PKNOX2: variants seen among roughly 807,000 people sequenced by gnomAD.
PKNOX2 encodes the protein homeobox protein PKNOX2.
A neutral mutation model predicts 53.1 loss-of-function variants in PKNOX2; 14 were observed. That is an observed-to-expected ratio of 0.26 (90% confidence interval 0.17 to 0.41). The LOEUF (loss-of-function observed/expected upper bound fraction) is 0.41, where lower values mean the gene tolerates loss of function less well. Among genes scored for constraint, PKNOX2 ranks in the 10% least tolerant of loss-of-function variants. The pLI is 1.00. For synonymous variants in PKNOX2, 257 were observed against 242.8 expected (o/e 1.06, Z -0.54); for missense variants, 496 against 602.8 (o/e 0.82, Z 1.85).
At chr11:125,177,000 G>A (rs557209034) in intron 1 of PKNOX2, among the ~76,000 whole-genome samples, 4 of 152,176 alleles carry the variant, frequency 2.6e-5, no homozygotes, top group Admixed American at 6.5e-5. Flanking sequence ...ATAACCTTGC[G>A]ATGTTCATGT....
intron 1 of PKNOX2, among the ~76,000 whole-genome samples, chr11:125,197,207 C>A (rs1047699660): frequency 6.6e-6 from 1 of 152,136 alleles, no homozygotes; most frequent in African/African-American, 2.4e-5. Flanking sequence ...CTCATGGATA[C>A]CTTGGTCCTG....
intron 2 of PKNOX2, among the ~76,000 whole-genome samples, chr11:125,255,709 T>G (rs1944359253): frequency 1.3e-5 from 2 of 151,088 alleles, no homozygotes; most frequent in African/African-American, 2.4e-5. Flanking sequence ...AGGGTGGTTG[T>G]TGGGAGGTGG....
rs12281525 is a variant in PKNOX2, at chr11:125,174,511, C to T, written c.-201+9735C>T. ...TCAAGCCCCTTTCAAGTCTATTCTC[C>T]TACGACTGTCTGGGCTGTACATGCG... On this transcript the variant is annotated intron_variant, in intron 1 of 12. Coordinates refer to ENST00000298282, the MANE Select transcript of PKNOX2 (RefSeq NM_001382323.2). Among the ~76,000 whole-genome samples the T allele has an allele frequency of 4.7e-3, 719 of 152,288 alleles. 4 individuals are homozygous for T. The highest frequency in any genetic ancestry group is 0.017 in the African/African-American group (688 of 41,548).
chr11:125,186,968 G>A (rs1427844469), intron 1 of PKNOX2, among the ~76,000 whole-genome samples: 1 of 152,174 alleles, frequency 6.6e-6, no homozygotes, highest in East Asian at 1.9e-4. Flanking sequence ...TGAAGAGATT[G>A]TTCTTTCCCC....
chr11:125,391,089 A>T (rs1050300673), intron 6 of PKNOX2, among the ~76,000 whole-genome samples: 1 of 152,186 alleles, frequency 6.6e-6, no homozygotes, highest in Non-Finnish European at 1.5e-5. Flanking sequence ...TCTGTCCGTG[A>T]GGGAGAATAG....
At chr11:125,379,251 A>G (rs1053183548) in intron 5 of PKNOX2, among the ~76,000 whole-genome samples, 22 of 151,874 alleles carry the variant, frequency 1.4e-4, no homozygotes, top group African/African-American at 5.3e-4. Flanking sequence ...TAGTAGAGAC[A>G]GGGTTTCACC....
intron 1 of PKNOX2, among the ~76,000 whole-genome samples, chr11:125,189,508 G>A (rs1221345308): frequency 7.4e-5 from 10 of 134,230 alleles, no homozygotes; most frequent in African/African-American, 2.5e-4. Context: ...CAAGGAGAGA[G>A]GGGTAGCCCT....
intron 2 of PKNOX2, among the ~76,000 whole-genome samples, chr11:125,326,308 A>G (rs1335885592): frequency 6.6e-6 from 1 of 152,182 alleles, no homozygotes; most frequent in African/African-American, 2.4e-5. Context: ...TGGGACCTGG[A>G]CAACAGAGGA....
chr11:125,265,979 C>T (rs1279519472), intron 2 of PKNOX2, among the ~76,000 whole-genome samples: 4 of 152,296 alleles, frequency 2.6e-5, no homozygotes, highest in Non-Finnish European at 4.4e-5. Flanking sequence ...TGGTGGAAAG[C>T]GTGTCAGCCA....
At chr11:125,369,900 CTGTGGACTGGCAGCATCG>C (rs1167002079) in intron 5 of PKNOX2, among the ~76,000 whole-genome samples, 1 of 152,160 alleles carries the variant, frequency 6.6e-6, no homozygotes, top group Non-Finnish European at 1.5e-5. Flanking sequence ...AAAGTATGGC[CTGTGGACTGGCAGCATCG>C]TATCACCTGG....
intron 4 of PKNOX2, among the ~76,000 whole-genome samples, chr11:125,366,124 T>C (rs1222847201): frequency 6.6e-6 from 1 of 152,248 alleles, no homozygotes; most frequent in Non-Finnish European, 1.5e-5. Context: ...TTAATACTCA[T>C]GTATTCCAAA....
chr11:125,427,241 C>T (rs751081786), intron 10 of PKNOX2, among the ~76,000 whole-genome samples: 25 of 152,212 alleles, frequency 1.6e-4, no homozygotes, highest in Non-Finnish European at 2.4e-4. Flanking sequence ...TGCCTCCGCT[C>T]CTTCCCAATT....
intron 2 of PKNOX2, among the ~76,000 whole-genome samples, chr11:125,273,264 A>T (rs914444235): frequency 6.6e-6 from 1 of 152,232 alleles, no homozygotes; most frequent in South Asian, 2.1e-4. Context: ...ATCCCAGGTT[A>T]TATGAAAATG....
At chr11:125,290,863 C>G (rs1219940744) in intron 2 of PKNOX2, among the ~76,000 whole-genome samples, 3 of 151,912 alleles carry the variant, frequency 2.0e-5, no homozygotes, top group Non-Finnish European at 4.4e-5. Context: ...CCGAGCTCCA[C>G]TGAGGAGACA....
intron 9 of PKNOX2, chr11:125,411,503 T>TCTCTCTCTCTCTCTCTCC (rs1565519900): frequency 2.3e-6 from 1 of 440,532 alleles, no homozygotes; most frequent in African/African-American, 2.3e-5. Context: ...TCTCTCTCTC[T>TCTCTCTCTCTCTCTCTCC]CTCTCTCCCC....
chr11:125,419,383 A>C (rs935593369), intron 10 of PKNOX2, among the ~76,000 whole-genome samples: 1 of 151,548 alleles, frequency 6.6e-6, no homozygotes, highest in Admixed American at 6.6e-5. Context: ...TTGCCTTGGA[A>C]AATGCTGAGA....
chr11:125,206,854 C>T (rs1384391255), intron 1 of PKNOX2, among the ~76,000 whole-genome samples: 1 of 151,876 alleles, frequency 6.6e-6, no homozygotes. Context: ...AGAAGGATCA[C>T]GTTGGCAGTA....
chr11:125,410,320 T>C lies in PKNOX2; in HGVS notation c.713T>C (p.Val238Ala), dbSNP rs749255120. 10 of 1,613,836 alleles carry C rather than the reference T, an allele frequency of 6.2e-6. No individual in the cohort carries two copies. The East Asian group carries it at 1.1e-4, about 18-fold the overall frequency. The change falls in exon 8 of 13, where the codon GTG becomes GCG. Residue 238 changes from valine to alanine, a missense_variant. Around this residue, in one of 5 missense-constraint regions of PKNOX2, gnomAD observed 141 missense variants for 143.9 expected, o/e 0.98. Coordinates refer to ENST00000298282, the MANE Select transcript of PKNOX2 (RefSeq NM_001382323.2). ...ATGACAACCGTCAACTCACAAGTTG[T>C]GTCAGGTCGGTGCAAAGACTGGGAA... ...IAMTTVNSQVVSGGALYQPVT... is the reference protein window; with the variant it reads ...IAMTTVNSQVASGGALYQPVT...
At chr11:125,268,507 C>T (rs1458843928) in intron 2 of PKNOX2, among the ~76,000 whole-genome samples, 2 of 152,202 alleles carry the variant, frequency 1.3e-5, no homozygotes, top group Non-Finnish European at 2.9e-5. Context: ...GCAGTTTGCT[C>T]ACCTGCTTAA....
Sources: allele counts gnomAD v4.1 joint callset (sites outside exome capture counted in the v4.1 genomes callset), GRCh38; gene constraint gnomAD v4.1.1; regional missense constraint gnomAD v4.1.1; transcripts MANE v1.5; gene names NCBI Gene and HGNC (gene_info 2026-07-23, HGNC 2026-07-21).